PLCL2: variants seen among roughly 807,000 people sequenced by gnomAD.
PLCL2 encodes inactive phospholipase C-like protein 2.
Under a neutral mutation model 79.6 loss-of-function variants are expected in PLCL2, and 4 were observed. The observed-to-expected ratio is 0.05, with a 90% CI of 0.02 to 0.11. PLCL2 has a LOEUF of 0.11. Among genes scored for constraint, PLCL2 ranks in the 10% least tolerant of loss-of-function variants. The pLI is 1.00. For missense variants in PLCL2, 895 were observed against 1,291.0 expected, an observed-to-expected ratio of 0.69 and a Z score of 4.70; for synonymous variants, 484 against 457.7, an observed-to-expected ratio of 1.06 and a Z score of -0.73.
chr3:16,903,764 C>G (rs1446977571), intron 1 of PLCL2, among the ~76,000 whole-genome samples: 2 of 152,162 alleles, frequency 1.3e-5, no homozygotes, highest in Admixed American at 1.3e-4. Flanking sequence ...GGGAAATGAT[C>G]AGGTTGGTTT....
At chr3:16,885,857 T>A (rs1280404387) in intron 1 of PLCL2, among the ~76,000 whole-genome samples, 1 of 152,222 alleles carries the variant, frequency 6.6e-6, no homozygotes, top group East Asian at 1.9e-4. Flanking sequence ...ATGTTTACAC[T>A]TCGAGGGTGC....
At chr3:17,058,634 AT>A (rs1245598416) in intron 4 of PLCL2, among the ~76,000 whole-genome samples, 1 of 152,148 alleles carries the variant, frequency 6.6e-6, no homozygotes. Context: ...GAATTATTAA[AT>A]TTGGGAGCTA....
intron 3 of PLCL2, among the ~76,000 whole-genome samples, chr3:17,027,008 T>C (rs778146028): frequency 1.3e-5 from 2 of 152,246 alleles, no homozygotes; most frequent in Non-Finnish European, 2.9e-5. Flanking sequence ...TAAGCTGTTT[T>C]CCTAAAACTA....
chr3:17,010,597 C>T lies in PLCL2; in HGVS notation c.1251C>T (p.Phe417=), dbSNP rs184972109. The change falls in exon 2 of 6, where the codon TTC becomes TTT. Residue 417 remains phenylalanine (F), a synonymous_variant. Coordinates refer to ENST00000615277, the MANE Select transcript of PLCL2 (RefSeq NM_001144382.2). The surrounding 1 kb of genome is among the most constrained non-coding windows in gnomAD (Gnocchi z 5.8). ...NYLMSPDCYI[F]DPEHKKVCQD... is the part of the protein sequence containing the mutation. ...TTATGTCACCTGACTGTTATATATT[C>T]GATCCAGAACATAAGAAGGTCTGTC... The T allele has an allele frequency of 8.4e-5, 136 of 1,614,096 alleles. 1 individual carries two copies. The East Asian group carries it at 2.5e-3, about 29-fold the overall frequency.
At chr3:17,057,296 A>T (rs1419781325) in intron 4 of PLCL2, among the ~76,000 whole-genome samples, 1 of 152,168 alleles carries the variant, frequency 6.6e-6, no homozygotes, top group Admixed American at 6.5e-5. Context: ...TTATTTGGTG[A>T]TAAAGCCCTT....
At chr3:16,980,220 C>T (rs1172135930) in intron 1 of PLCL2, among the ~76,000 whole-genome samples, 2 of 132,360 alleles carry the variant, frequency 1.5e-5, no homozygotes, top group Admixed American at 7.3e-5. Context: ...TAGGGGTGGC[C>T]GGGCAGAGGC....
At chr3:17,033,929 T>C (rs1198227764) in intron 3 of PLCL2, among the ~76,000 whole-genome samples, 1 of 152,348 alleles carries the variant, frequency 6.6e-6, no homozygotes, top group South Asian at 2.1e-4. Flanking sequence ...CCCACTTTCC[T>C]TATAAGCCCT....
intron 1 of PLCL2, among the ~76,000 whole-genome samples, chr3:16,913,822 G>T (rs115849700): frequency 0.052 from 7,870 of 152,220 alleles, 275 homozygotes; most frequent in Admixed American, 0.11. Context: ...AGAAATTAAT[G>T]ATTTTATGGA....
intron 1 of PLCL2, among the ~76,000 whole-genome samples, chr3:16,997,493 A>G (rs1326032528): frequency 1.3e-5 from 2 of 148,868 alleles, no homozygotes; most frequent in Admixed American, 6.7e-5. Flanking sequence ...TATTTTTCCA[A>G]TCTAATTGTC....
chr3:16,945,476 C>T (rs181321024), intron 1 of PLCL2, among the ~76,000 whole-genome samples: 177 of 152,280 alleles, frequency 1.2e-3, no homozygotes, highest in African/African-American at 3.9e-3. Context: ...GTTCAGCACT[C>T]TATAAACATG....
At chr3:16,973,729 T>C (rs539023421) in intron 1 of PLCL2, among the ~76,000 whole-genome samples, 85 of 152,334 alleles carry the variant, frequency 5.6e-4, no homozygotes, top group African/African-American at 1.7e-3. Context: ...CATATACTCA[T>C]TCATTCAGCA....
At chr3:16,893,712 A>G (rs1157663907) in intron 1 of PLCL2, among the ~76,000 whole-genome samples, 1 of 152,248 alleles carries the variant, frequency 6.6e-6, no homozygotes, top group East Asian at 1.9e-4. Context: ...TGTGAGTATT[A>G]ATAGAACAAG....
At chr3:16,960,975 A>G (rs2063748893) in intron 1 of PLCL2, among the ~76,000 whole-genome samples, 2 of 152,234 alleles carry the variant, frequency 1.3e-5, no homozygotes, top group African/African-American at 2.4e-5. Context: ...AAGATTTCAA[A>G]CAATCCAATC....
chr3:16,919,162 GA>G (rs1368806777), intron 1 of PLCL2, among the ~76,000 whole-genome samples: 1 of 152,034 alleles, frequency 6.6e-6, no homozygotes, highest in African/African-American at 2.4e-5. Context: ...AATTTAATAG[GA>G]AATAGTACAG....
intron 1 of PLCL2, among the ~76,000 whole-genome samples, chr3:16,934,659 G>A (rs1344545232): frequency 1.3e-5 from 2 of 152,160 alleles, no homozygotes; most frequent in African/African-American, 4.8e-5. Context: ...AGAGTAAACC[G>A]GAAAGGGATG....
At chr3:17,036,064 A>G (rs1379079202) in intron 3 of PLCL2, among the ~76,000 whole-genome samples, 2 of 152,172 alleles carry the variant, frequency 1.3e-5, no homozygotes, top group Admixed American at 6.6e-5. Context: ...ACGGTTTGTT[A>G]TTTAGAAAGT....
chr3:16,890,263 C>T (rs1696315254), intron 1 of PLCL2, among the ~76,000 whole-genome samples: 1 of 152,150 alleles, frequency 6.6e-6, no homozygotes, highest in Non-Finnish European at 1.5e-5. Flanking sequence ...ATTTGATTTG[C>T]ATTGTTTTTC....
chr3:16,994,550 G>A (rs927027340), intron 1 of PLCL2, among the ~76,000 whole-genome samples: 3 of 152,086 alleles, frequency 2.0e-5, no homozygotes, highest in African/African-American at 7.2e-5. Context: ...GAGATTTGCT[G>A]GAATTTTTAA....
chr3:17,083,956 T>C (rs2065189892), intron 5 of PLCL2, among the ~76,000 whole-genome samples: 1 of 152,192 alleles, frequency 6.6e-6, no homozygotes, highest in Admixed American at 6.5e-5. Flanking sequence ...CATACATCAA[T>C]GACATTAAAA....
Sources: allele counts gnomAD v4.1 joint callset (sites outside exome capture counted in the v4.1 genomes callset), GRCh38; gene constraint gnomAD v4.1.1; non-coding constraint Gnocchi (gnomAD v3.1); transcripts MANE v1.5; gene names NCBI Gene and HGNC (gene_info 2026-07-23, HGNC 2026-07-21).